Variants in FNDC3B observed in about 807,000 individuals in gnomAD.
FNDC3B encodes the protein fibronectin type III domain containing 3B.
A neutral mutation model predicts 151.5 loss-of-function variants in FNDC3B; 12 were observed. The ratio of observed to expected loss-of-function variants is 0.08; its 90% CI spans 0.05 to 0.13. The LOEUF is 0.13. FNDC3B is among the 10% of genes least tolerant of loss of function. The pLI, the probability that FNDC3B is intolerant of heterozygous loss-of-function variation, is 1.00. For synonymous variants in FNDC3B, 528 were observed against 549.0 expected (o/e 0.96, Z 0.54); for missense variants, 1,214 against 1,505.3 (o/e 0.81, Z 3.20).
intron 6 of FNDC3B, among the ~76,000 whole-genome samples, chr3:172,253,099 G>T (rs1318727810): frequency 6.6e-6 from 1 of 152,208 alleles, no homozygotes; most frequent in East Asian, 1.9e-4. Context: ...TGTCCAGAGA[G>T]CTTACGAGGT....
chr3:172,243,852 G>A (rs1010298372), intron 4 of FNDC3B, among the ~76,000 whole-genome samples: 17 of 152,124 alleles, frequency 1.1e-4, no homozygotes, highest in Admixed American at 6.5e-4. Context: ...GCATCAGAAC[G>A]TCAACATTTG....
chr3:172,103,800 T>C (rs1719492267), intron 1 of FNDC3B, among the ~76,000 whole-genome samples: 1 of 152,220 alleles, frequency 6.6e-6, no homozygotes, highest in Admixed American at 6.5e-5. Flanking sequence ...CAGACAACTG[T>C]GATTTTACTT....
At chr3:172,187,094 G>T in intron 3 of FNDC3B, 1 of 217,718 alleles carries the variant, frequency 4.6e-6, no homozygotes, top group East Asian at 1.1e-4. Flanking sequence ...CCCTTGAGAA[G>T]TCCTTCATGG....
chr3:172,087,406 T>G (rs570346646), intron 1 of FNDC3B, among the ~76,000 whole-genome samples: 100 of 152,284 alleles, frequency 6.6e-4, no homozygotes, highest in African/African-American at 2.3e-3. Flanking sequence ...AGTGGGATAA[T>G]TAACATTTTG....
At chr3:172,144,326 A>G (rs1001107789) in intron 3 of FNDC3B, among the ~76,000 whole-genome samples, 3 of 152,136 alleles carry the variant, frequency 2.0e-5, no homozygotes, top group Non-Finnish European at 4.4e-5. Context: ...CCCACCTCCA[A>G]CGTTGGGAGT....
chr3:172,150,945 G>GT (rs1385644631), intron 3 of FNDC3B, among the ~76,000 whole-genome samples: 1 of 151,376 alleles, frequency 6.6e-6, no homozygotes, highest in Non-Finnish European at 1.5e-5. Context: ...ATCTACATAG[G>GT]TTTTTTTTCT....
At position 172,400,361 on chromosome 3, in the gene FNDC3B, T is replaced by C. The variant is rs1038933105; in HGVS notation, c.*2886T>C. On this transcript the variant is annotated 3_prime_UTR_variant, in exon 26 of 26. Transcript: ENST00000415807. ...AATGTTGGCATTTTCTAACCTTGTT[T>C]TGTTGGCTACAATAATTCAGTATTC... 1 of 152,662 alleles carries C rather than the reference T, an allele frequency of 6.6e-6. No homozygotes were observed. The highest frequency in any genetic ancestry group is 2.4e-5 in the African/African-American group (1 of 41,462). 9.5% of individuals were successfully genotyped at this position (152,662 alleles called of 1,614,324 possible). A position where few individuals can be genotyped will look rare whatever the true frequency, so the allele number is the denominator to read the frequency against.
chr3:172,317,626 G>T (rs146465471), intron 11 of FNDC3B, among the ~76,000 whole-genome samples: 1 of 152,166 alleles, frequency 6.6e-6, no homozygotes, highest in African/African-American at 2.4e-5. Flanking sequence ...GTTATCTCAC[G>T]GGTACGTAAG....
chr3:172,156,174 C>G (rs1272164630), intron 3 of FNDC3B, among the ~76,000 whole-genome samples: 2 of 152,194 alleles, frequency 1.3e-5, no homozygotes, highest in Non-Finnish European at 2.9e-5. Flanking sequence ...AGAGCCCTCA[C>G]AAAGCCTCAC....
chr3:172,173,271 T>C (rs1403496119), intron 3 of FNDC3B, among the ~76,000 whole-genome samples: 1 of 152,162 alleles, frequency 6.6e-6, no homozygotes, highest in Non-Finnish European at 1.5e-5. Flanking sequence ...TCTCTAGAGG[T>C]GTTCCCAAGC....
chr3:172,126,467 G>A (rs1424605747), intron 2 of FNDC3B, among the ~76,000 whole-genome samples: 3 of 152,172 alleles, frequency 2.0e-5, no homozygotes, highest in Non-Finnish European at 4.4e-5. Flanking sequence ...CTTTCCAACA[G>A]TTGCTTAACA....
At chr3:172,146,147 A>AT (rs1349720171) in intron 3 of FNDC3B, among the ~76,000 whole-genome samples, 6 of 151,972 alleles carry the variant, frequency 3.9e-5, no homozygotes, top group East Asian at 1.9e-4. Context: ...TAAAATATAT[A>AT]AAAAAAAGCA....
intron 14 of FNDC3B, among the ~76,000 whole-genome samples, chr3:172,334,237 T>C (rs1576921326): frequency 6.6e-6 from 1 of 152,168 alleles, no homozygotes; most frequent in East Asian, 1.9e-4. Flanking sequence ...CGATGCTGGC[T>C]ATGAGAACAT....
chr3:172,249,692 T>G (rs900647229), intron 5 of FNDC3B, among the ~76,000 whole-genome samples: 2 of 152,220 alleles, frequency 1.3e-5, no homozygotes, highest in Non-Finnish European at 2.9e-5. Context: ...ACTATCCTTC[T>G]GGTATATTTT....
chr3:172,343,679 C>T (rs1733455322), intron 18 of FNDC3B, among the ~76,000 whole-genome samples: 1 of 152,108 alleles, frequency 6.6e-6, no homozygotes, highest in African/African-American at 2.4e-5. Context: ...CTATTTTTTC[C>T]TACCACTTAT....
intron 11 of FNDC3B, among the ~76,000 whole-genome samples, chr3:172,327,731 G>T (rs916205178): frequency 2.0e-5 from 3 of 152,184 alleles, no homozygotes; most frequent in Admixed American, 6.5e-5. Flanking sequence ...TGTGCTCACC[G>T]TAGCAACAGT....
chr3:172,145,849 T>A (rs1362311727), intron 3 of FNDC3B, among the ~76,000 whole-genome samples: 3 of 150,050 alleles, frequency 2.0e-5, no homozygotes, highest in Non-Finnish European at 4.4e-5. Context: ...GTTTCACTCT[T>A]GTTGCCCAGG....
intron 17 of FNDC3B, among the ~76,000 whole-genome samples, chr3:172,342,374 G>T (rs953559157): frequency 1.3e-5 from 2 of 152,332 alleles, no homozygotes; most frequent in African/African-American, 4.8e-5. Context: ...CTGCTCAAAT[G>T]CATAGAGTTC....
At chr3:172,052,637 G>C (rs1174902815) in intron 1 of FNDC3B, among the ~76,000 whole-genome samples, 1 of 152,212 alleles carries the variant, frequency 6.6e-6, no homozygotes, top group East Asian at 1.9e-4. Context: ...ACATTATAGG[G>C]CTGTGTGTTT....
Sources: gnomAD v4.1 joint callset for allele counts (sites outside exome capture counted in the v4.1 genomes callset) on GRCh38, gnomAD v4.1.1 for gene constraint, MANE v1.5 for transcripts, NCBI Gene and HGNC (gene_info 2026-07-23, HGNC 2026-07-21) for gene names.